The following BCKDHB variants were observed in gnomAD, a reference collection of about 807,000 sequenced individuals.
The protein encoded by BCKDHB is branched chain keto acid dehydrogenase E1 subunit beta, also known as 2-oxoisovalerate dehydrogenase subunit beta, mitochondrial.
A neutral mutation model predicts 48.5 loss-of-function variants in BCKDHB; 41 were observed. That is an observed-to-expected ratio of 0.85 (90% CI 0.66 to 1.10). The LOEUF is 1.10. Ranked by LOEUF, BCKDHB falls within the 50% of genes least tolerant of loss-of-function variation. BCKDHB has a pLI of 0.00. For missense variants in BCKDHB, 496 were observed against 494.2 expected (o/e 1.00, Z -0.03); for synonymous variants, 201 against 174.8 (o/e 1.15, Z -1.18).
intron 3 of BCKDHB, among the ~76,000 whole-genome samples, chr6:80,131,862 C>T (rs997368946): frequency 6.6e-6 from 1 of 151,984 alleles, no homozygotes; most frequent in Admixed American, 6.6e-5. Context: ...AGGCTGGTCT[C>T]AAACTCCTGA....
chr6:80,434,718 T>G, the BCKDHB span, among the ~76,000 whole-genome samples: 1 of 152,200 alleles, frequency 6.6e-6, no homozygotes, highest in Admixed American at 6.5e-5. Flanking sequence ...ATTCTGCTCC[T>G]AAGGCAGTAC....
intron 1 of BCKDHB, among the ~76,000 whole-genome samples, chr6:80,126,416 C>G (rs780607828): frequency 2.0e-5 from 3 of 152,132 alleles, no homozygotes; most frequent in Non-Finnish European, 4.4e-5. Context: ...GTCCCATGGT[C>G]AGACAGTTGA....
intron 8 of BCKDHB, among the ~76,000 whole-genome samples, chr6:80,257,391 TTTAA>T (rs1311936947): frequency 2.0e-5 from 3 of 148,410 alleles, no homozygotes; most frequent in African/African-American, 2.5e-5. Context: ...TACATATATT[TTTAA>T]TTAAAGATAT....
chr6:80,233,578 TA>T (rs1776022805), intron 8 of BCKDHB, among the ~76,000 whole-genome samples: 1 of 152,212 alleles, frequency 6.6e-6, no homozygotes, highest in East Asian at 1.9e-4. Flanking sequence ...TTATTAATCT[TA>T]ATTAGGCCTC....
At chr6:80,125,079 G>C (rs1770271872) in intron 1 of BCKDHB, among the ~76,000 whole-genome samples, 1 of 152,174 alleles carries the variant, frequency 6.6e-6, no homozygotes. Flanking sequence ...AAAATCTTTT[G>C]TTTAGTATAG....
At chr6:80,212,382 A>G (rs1453520574) in intron 8 of BCKDHB, among the ~76,000 whole-genome samples, 1 of 152,084 alleles carries the variant, frequency 6.6e-6, no homozygotes, top group Non-Finnish European at 1.5e-5. Context: ...GAATTTAGCG[A>G]TATCTCTCCT....
intron 9 of BCKDHB, among the ~76,000 whole-genome samples, chr6:80,275,237 A>G (rs575080236): frequency 3.3e-5 from 5 of 152,112 alleles, no homozygotes; most frequent in Admixed American, 3.3e-4. Flanking sequence ...TGACTTACCC[A>G]TTTTATAAAG....
intron 3 of BCKDHB, among the ~76,000 whole-genome samples, chr6:80,137,259 T>C (rs1770935130): frequency 6.6e-6 from 1 of 152,190 alleles, no homozygotes; most frequent in Non-Finnish European, 1.5e-5. Context: ...AAAATTAGAA[T>C]GGGTACAAAC....
intron 9 of BCKDHB, among the ~76,000 whole-genome samples, chr6:80,324,743 G>A (rs116405490): frequency 1.2e-3 from 176 of 151,902 alleles, no homozygotes; most frequent in African/African-American, 4.1e-3. Flanking sequence ...TCTGCTCCTC[G>A]TCCTTTTCTT....
chr6:80,309,455 C>G (rs1243019882), intron 9 of BCKDHB, among the ~76,000 whole-genome samples: 1 of 152,128 alleles, frequency 6.6e-6, no homozygotes, highest in African/African-American at 2.4e-5. Flanking sequence ...TTTCTACAGT[C>G]TCATCCTTTC....
Position 80,168,962 on chromosome 6 carries a change from G to C in BCKDHB, c.565G>C (p.Val189Leu). ...CACTATCCGGTCCCCTTGGGGCTGT[G>C]TTGGTCATGGGGCTCTCTATCATTC... Reference protein sequence around the residue: ...SLTIRSPWGCVGHGALYHSQS... With the variant: ...SLTIRSPWGCLGHGALYHSQS... The change falls in exon 5 of 10, where the codon GTT becomes CTT. Residue 189 changes from valine to leucine, a missense_variant. Coordinates refer to ENST00000320393, the MANE Select transcript of BCKDHB (RefSeq NM_183050.4). 1 of 1,614,208 alleles carries C rather than the reference G, an allele frequency of 6.2e-7. No homozygotes were observed. The highest frequency in any genetic ancestry group is 1.1e-5 in the South Asian group (1 of 91,088).
At chr6:80,108,559 T>TAA (rs35042481) in intron 1 of BCKDHB, among the ~76,000 whole-genome samples, 9,465 of 137,298 alleles carry the variant, frequency 0.069, 402 homozygotes, top group South Asian at 0.088. Flanking sequence ...GGATAAAAAG[T>TAA]AAAAAAAAAA....
the BCKDHB span, among the ~76,000 whole-genome samples, chr6:80,421,241 A>C: frequency 6.6e-6 from 1 of 152,100 alleles, no homozygotes; most frequent in African/African-American, 2.4e-5. Flanking sequence ...GCCTTGTGAA[A>C]AAGGGGCCTA....
intron 8 of BCKDHB, among the ~76,000 whole-genome samples, chr6:80,229,540 T>C (rs1251157739): frequency 6.6e-6 from 1 of 152,170 alleles, no homozygotes; most frequent in Admixed American, 6.5e-5. Flanking sequence ...AATAGGGATG[T>C]CCATTCTTAT....
the BCKDHB span, among the ~76,000 whole-genome samples, chr6:80,458,715 C>T: frequency 6.6e-6 from 1 of 152,058 alleles, no homozygotes; most frequent in Non-Finnish European, 1.5e-5. Flanking sequence ...GTTATTATTA[C>T]TAATAGTGTT....
At position 80,345,349 on chromosome 6, in the gene BCKDHB, T is replaced by A. The variant is rs1770147904; in HGVS notation, c.*1545T>A. ...CAAAAGCAAAATCAACTCTGTATAATAGCACATTCTCTACTTTTTAAAGAT... is the reference window on the plus strand; with the variant it reads ...CAAAAGCAAAATCAACTCTGTATAAAAGCACATTCTCTACTTTTTAAAGAT... On this transcript the variant is annotated 3_prime_UTR_variant, in exon 10 of 10. Coordinates refer to ENST00000320393, the MANE Select transcript of BCKDHB (RefSeq NM_183050.4). 1 of 152,220 alleles carries A rather than the reference T, an allele frequency of 6.6e-6. No homozygotes were observed. The highest frequency in any genetic ancestry group is 1.5e-5 in the Non-Finnish European group (1 of 68,044). 9.4% of individuals were successfully genotyped at this position (152,220 alleles called of 1,614,324 possible).
chr6:80,130,189 G>A (rs1211329230), intron 3 of BCKDHB, among the ~76,000 whole-genome samples: 1 of 152,180 alleles, frequency 6.6e-6, no homozygotes, highest in Non-Finnish European at 1.5e-5. Context: ...CCTTTGAAAT[G>A]CTTTTGACAT....
At chr6:80,295,993 G>GT (rs1562211076) in intron 9 of BCKDHB, among the ~76,000 whole-genome samples, 1 of 152,138 alleles carries the variant, frequency 6.6e-6, no homozygotes, top group Non-Finnish European at 1.5e-5. Flanking sequence ...TACCTCAAAA[G>GT]TTTCCTTGAT....
chr6:80,460,791 G>A, the BCKDHB span, among the ~76,000 whole-genome samples: 276 of 152,242 alleles, frequency 1.8e-3, 1 homozygote, highest in Middle Eastern at 6.8e-3. Context: ...TGAGTTAAGT[G>A]GACACTTTTT....
Sources: gnomAD v4.1 joint callset for allele counts (sites outside exome capture counted in the v4.1 genomes callset) on GRCh38, gnomAD v4.1.1 for gene constraint, MANE v1.5 for transcripts, NCBI Gene and HGNC (gene_info 2026-07-23, HGNC 2026-07-21) for gene names.